IGF1R: variants seen among roughly 807,000 people sequenced by gnomAD.
IGF1R encodes insulin like growth factor 1 receptor.
Under a neutral mutation model 144.6 loss-of-function variants are expected in IGF1R, and 44 were observed. That is an observed-to-expected ratio of 0.30 (90% CI 0.24 to 0.39). The LOEUF is 0.39. Ranked by LOEUF, IGF1R falls within the 10% of genes least tolerant of loss-of-function variation. The probability of loss-of-function intolerance (pLI) is 1.00; values close to 1 mark genes in which losing one functional copy is unlikely to be tolerated. For synonymous variants in IGF1R, 795 were observed against 722.8 expected, an observed-to-expected ratio of 1.10 and a Z score of -1.60; for missense variants, 1,355 against 1,833.7, an observed-to-expected ratio of 0.74 and a Z score of 4.77.
At chr15:98,746,153 A>G (rs1383773327) in intron 2 of IGF1R, among the ~76,000 whole-genome samples, 1 of 152,170 alleles carries the variant, frequency 6.6e-6, no homozygotes, top group East Asian at 1.9e-4. Flanking sequence ...ATAAGACTGC[A>G]TGTTTGCATC....
At chr15:98,728,280 CTG>C (rs1450822622) in intron 2 of IGF1R, among the ~76,000 whole-genome samples, 1 of 152,100 alleles carries the variant, frequency 6.6e-6, no homozygotes. Context: ...ATCCCGGTGC[CTG>C]TCTGTGAAAG....
Position 98,651,480 on chromosome 15 carries a change from C to T in IGF1R, c.94+1805C>T, listed in dbSNP as rs539788162. Among the ~76,000 whole-genome samples, 6 of 152,238 alleles carry T rather than the reference C, an allele frequency of 3.9e-5. No homozygotes were observed. The South Asian group carries it at 1.0e-3, about 26-fold the overall frequency. Reference sequence around the variant, plus strand: ...GGTTTTTATCTTTAAAAGATAAGTACGGTTTAGAAGACACGGGAGAAATAA... The same window carrying T: ...GGTTTTTATCTTTAAAAGATAAGTATGGTTTAGAAGACACGGGAGAAATAA... On this transcript the variant is annotated intron_variant, in intron 1 of 20. Transcript: ENST00000650285.
At chr15:98,769,882 G>A (rs914943728) in intron 2 of IGF1R, among the ~76,000 whole-genome samples, 13 of 152,062 alleles carry the variant, frequency 8.5e-5, no homozygotes, top group African/African-American at 3.1e-4. Context: ...ATTTTTCCAG[G>A]CAAAATTTCT....
chr15:98,835,109 ACC>A (rs1491450131), intron 2 of IGF1R, among the ~76,000 whole-genome samples: 6 of 106,460 alleles, frequency 5.6e-5, no homozygotes, highest in African/African-American at 1.4e-4. Flanking sequence ...ACACACACAC[ACC>A]CCTACACCCA....
intron 2 of IGF1R, among the ~76,000 whole-genome samples, chr15:98,792,166 G>A (rs2056142772): frequency 6.6e-6 from 1 of 152,208 alleles, no homozygotes; most frequent in African/African-American, 2.4e-5. Flanking sequence ...AGGTATGCCT[G>A]ACAGCTCTCT....
At chr15:98,756,800 G>A (rs1253970284) in intron 2 of IGF1R, among the ~76,000 whole-genome samples, 1 of 152,024 alleles carries the variant, frequency 6.6e-6, no homozygotes, top group African/African-American at 2.4e-5. Flanking sequence ...TTAGACAGTT[G>A]ATCTCCTTTT....
intron 19 of IGF1R, among the ~76,000 whole-genome samples, chr15:98,946,644 GC>G (rs1224778167): frequency 6.6e-6 from 1 of 152,204 alleles, no homozygotes; most frequent in African/African-American, 2.4e-5. Flanking sequence ...GGTGGAATGG[GC>G]ATCAGCTGCA....
chr15:98,918,090 T>C (rs978776282), intron 10 of IGF1R, among the ~76,000 whole-genome samples: 11 of 152,140 alleles, frequency 7.2e-5, no homozygotes, highest in African/African-American at 2.4e-4. Context: ...ATTAGCCCAG[T>C]AGTGTGTGGG....
At chr15:98,918,328 C>T (rs1020014903) in intron 10 of IGF1R, among the ~76,000 whole-genome samples, 4 of 152,118 alleles carry the variant, frequency 2.6e-5, no homozygotes, top group Admixed American at 2.0e-4. Context: ...GAGCCTGTAG[C>T]GGCTATTTAT....
chr15:98,798,246 C>T (rs571830427), intron 2 of IGF1R, among the ~76,000 whole-genome samples: 17 of 151,934 alleles, frequency 1.1e-4, no homozygotes, highest in African/African-American at 3.6e-4. Context: ...TACCTTTTTA[C>T]GTAGGGTATT....
rs1042903628 is a variant in IGF1R, at chr15:98,785,281, G to T, written c.640+77174G>T. 6.6e-5 allele frequency among the ~76,000 whole-genome samples: 10 copies of T among 152,112 alleles called. 1 individual carries two copies. Among genetic ancestry groups the T allele is most frequent in the African/African-American group, 2.4e-4 (10 of 41,422 alleles). The stretch of plus-strand genomic sequence containing the variant: ...ACACTGTATATCTAGTTTGTACCAA[G>T]AACTAATTGTACACAGTCAGATACT... On this transcript the variant is annotated intron_variant, in intron 2 of 20. Transcript: ENST00000650285.
chr15:98,883,555 C>T (rs568495283), intron 2 of IGF1R, among the ~76,000 whole-genome samples: 1 of 152,300 alleles, frequency 6.6e-6, no homozygotes, highest in South Asian at 2.1e-4. Context: ...CTCTCTTCTT[C>T]CCTGGGGTGA....
At chr15:98,784,590 T>A (rs895168013) in intron 2 of IGF1R, 1 of 154,072 alleles carries the variant, frequency 6.5e-6, no homozygotes, top group Non-Finnish European at 1.5e-5. Context: ...GAACATTCTT[T>A]ACCTGAGTTA....
Position 98,708,071 on chromosome 15 carries a change from A to G in IGF1R, c.604A>G (p.Asn202Asp). 1 of 1,613,950 alleles carries G rather than the reference A, an allele frequency of 6.2e-7. No homozygotes were observed. The highest frequency in any genetic ancestry group is 8.5e-7 in the Non-Finnish European group (1 of 1,180,008). ...GAAGACCACCATCAACAATGAGTAC[A>G]ACTACCGCTGCTGGACCACAAACCG... ...CEKTTINNEYNYRCWTTNRCQ... is the reference protein window; with the variant it reads ...CEKTTINNEYDYRCWTTNRCQ... The change falls in exon 2 of 21, where the codon AAC (asparagine) becomes GAC (aspartate). Residue 202 changes from asparagine (N) to aspartate (D), a missense_variant. Around this residue, in one of 7 missense-constraint regions of IGF1R, gnomAD observed 880 missense variants for 1,202.7 expected, o/e 0.73. Coordinates refer to ENST00000650285, the MANE Select transcript of IGF1R (RefSeq NM_000875.5).
intron 2 of IGF1R, among the ~76,000 whole-genome samples, chr15:98,711,601 TC>T (rs2141265452): frequency 6.6e-6 from 1 of 152,310 alleles, no homozygotes; most frequent in Admixed American, 6.5e-5. Flanking sequence ...TACAGTGGTT[TC>T]CTTTCAGTAA....
At chr15:98,882,890 G>A (rs2013451508) in intron 2 of IGF1R, among the ~76,000 whole-genome samples, 1 of 152,196 alleles carries the variant, frequency 6.6e-6, no homozygotes, top group Non-Finnish European at 1.5e-5. Context: ...TCAGAAAGGT[G>A]TGGTCCAGCC....
intron 2 of IGF1R, among the ~76,000 whole-genome samples, chr15:98,725,781 G>T (rs1596237897): frequency 6.6e-6 from 1 of 152,218 alleles, no homozygotes; most frequent in East Asian, 1.9e-4. Context: ...GGCTGGGGAG[G>T]CCTCAGAATC....
In IGF1R at chr15:98,908,670, T is replaced by C; in HGVS notation, c.1248-15T>C. 6.2e-7 allele frequency: 1 copy of C among 1,611,552 alleles called. No homozygotes were observed. On this transcript the variant is annotated splice_polypyrimidine_tract_variant and intron_variant, in intron 5 of 20. Coordinates refer to ENST00000650285, the MANE Select transcript of IGF1R (RefSeq NM_000875.5). The stretch of plus-strand genomic sequence containing the variant: ...CCAAGGGCAGGTGCGCTAACATCGA[T>C]TTCTGTGCTTCTAGGAATTACTCCT...
chr15:98,659,535 C>T (rs560512288), intron 1 of IGF1R, among the ~76,000 whole-genome samples: 4 of 152,298 alleles, frequency 2.6e-5, no homozygotes, highest in African/African-American at 9.6e-5. Flanking sequence ...GTGGATACTA[C>T]AGACTTCTGT....
Sources: gnomAD v4.1 joint callset for allele counts (sites outside exome capture counted in the v4.1 genomes callset) on GRCh38, gnomAD v4.1.1 for gene constraint, gnomAD v4.1.1 regional missense constraint, MANE v1.5 for transcripts, NCBI Gene and HGNC (gene_info 2026-07-23, HGNC 2026-07-21) for gene names.